SH3KBP1: variants seen among roughly 807,000 people sequenced by gnomAD.
SH3KBP1 encodes the protein SH3 domain containing kinase binding protein 1.
In SH3KBP1, 8 loss-of-function variants were observed where a neutral mutation model predicts 50.1. The ratio of observed to expected loss-of-function variants is 0.16; its 90% confidence interval spans 0.09 to 0.29. The LOEUF (loss-of-function observed/expected upper bound fraction) is 0.29. SH3KBP1 is among the 10% of genes least tolerant of loss of function. The probability of loss-of-function intolerance (pLI) is 1.00; values close to 1 mark genes in which losing one functional copy is unlikely to be tolerated. For missense variants in SH3KBP1, 377 were observed against 535.2 expected, an observed-to-expected ratio of 0.70 and a Z score of 2.92; for synonymous variants, 227 against 218.6, an observed-to-expected ratio of 1.04 and a Z score of -0.34.
At position 19,695,632 on chromosome X, in the gene SH3KBP1, T is replaced by C; in HGVS notation, c.500A>G (p.Asp167Gly). ...GESDELGISQ[D>G]EQLSKSSLRE... ...CTTACTTGACTTGGATAGCTGCTCA[T>C]CCTGGGAAATGCCAAGCTCATCCGA... Residue 167 changes from aspartate (D) to glycine (G), a missense_variant, in exon 5 of 18, where the codon GAT becomes GGT. By Grantham distance (94) the Asp-to-Gly change is moderately conservative. Around this residue, in one of 3 missense-constraint regions of SH3KBP1, gnomAD observed 257 missense variants for 374.2 expected, o/e 0.69. Transcript: ENST00000397821. 1 of 1,209,866 alleles carries C rather than the reference T, an allele frequency of 8.3e-7. No homozygotes were observed.
At chrX:19,661,552 C>CTTTTTTTTTTTTTTT (rs772898760) in intron 6 of SH3KBP1, among the ~76,000 whole-genome samples, 1 of 67,076 alleles carries the variant, frequency 1.5e-5, no homozygotes, top group African/African-American at 5.3e-5. Flanking sequence ...TAGCTTTTTA[C>CTTTTTTTTTTTTTTT]TTTTTTTTTT....
intron 1 of SH3KBP1, among the ~76,000 whole-genome samples, chrX:19,853,991 T>C (rs927895366): frequency 9.1e-6 from 1 of 109,951 alleles, no homozygotes; most frequent in Non-Finnish European, 1.9e-5. Flanking sequence ...CAGAAGTCCC[T>C]TCTCAAAGAC....
chrX:19,574,406 T>C (rs1349489411), intron 12 of SH3KBP1, among the ~76,000 whole-genome samples: 2 of 112,723 alleles, frequency 1.8e-5, no homozygotes, highest in African/African-American at 6.5e-5. Context: ...TTGTACACGT[T>C]AGGAAATAAC....
chrX:19,571,280 A>T (rs1475641911), intron 12 of SH3KBP1, among the ~76,000 whole-genome samples: 2 of 111,830 alleles, frequency 1.8e-5, no homozygotes, highest in African/African-American at 6.5e-5. Context: ...TGGAAAGGAG[A>T]AGCAGCTTAG....
At chrX:19,614,109 A>C (rs1343493926) in intron 8 of SH3KBP1, among the ~76,000 whole-genome samples, 1 of 112,572 alleles carries the variant, frequency 8.9e-6, no homozygotes, top group Non-Finnish European at 1.9e-5. Context: ...CTCAGGTGAA[A>C]CCCCCTGGCA....
chrX:19,773,580 G>C (rs1457181728), intron 2 of SH3KBP1, among the ~76,000 whole-genome samples: 2 of 109,292 alleles, frequency 1.8e-5, no homozygotes, highest in African/African-American at 6.7e-5. Context: ...TTTTCAGCCA[G>C]GCGCAGCGGC....
In SH3KBP1 at chrX:19,561,456, T is replaced by C. The variant is rs144217321; in HGVS notation, c.1384+7647A>G. 8.9e-5 allele frequency among the ~76,000 whole-genome samples: 10 copies of C among 112,045 alleles called. No individual in the cohort carries two copies. The East Asian group carries it at 2.8e-3, about 31-fold the overall frequency. ...TCCTATCTCTATCAAAAAAAAAAGT[T>C]AATCTGCTAATTGTACATTTCTGGA... On this transcript the variant is annotated intron_variant, in intron 13 of 17. Transcript: ENST00000397821.
At chrX:19,824,258 A>C (rs2067608921) in intron 2 of SH3KBP1, among the ~76,000 whole-genome samples, 3 of 112,450 alleles carry the variant, frequency 2.7e-5, no homozygotes, top group African/African-American at 9.7e-5. Context: ...AGCTATTAAT[A>C]CTTTATCCAT....
intron 3 of SH3KBP1, among the ~76,000 whole-genome samples, chrX:19,714,899 T>C (rs989332842): frequency 8.9e-6 from 1 of 111,935 alleles, no homozygotes; most frequent in Non-Finnish European, 1.9e-5. Context: ...TAGCAGAATG[T>C]CCTCATACTT....
chrX:19,633,503 T>C (rs2061625650), intron 7 of SH3KBP1, among the ~76,000 whole-genome samples: 2 of 112,335 alleles, frequency 1.8e-5, no homozygotes. Flanking sequence ...AGTTAAAACA[T>C]GTTTAAATTG....
chrX:19,825,209 T>C (rs1316442123), intron 2 of SH3KBP1, among the ~76,000 whole-genome samples: 5 of 111,932 alleles, frequency 4.5e-5, no homozygotes, highest in Non-Finnish European at 9.4e-5. Flanking sequence ...ATTTCAGAAT[T>C]TGTAGGAAAA....
intron 3 of SH3KBP1, among the ~76,000 whole-genome samples, chrX:19,719,667 T>C (rs2064003038): frequency 9.1e-6 from 1 of 109,361 alleles, no homozygotes; most frequent in Non-Finnish European, 1.9e-5. Context: ...GGGCTCTGAT[T>C]TCACTGCTCA....
intron 6 of SH3KBP1, among the ~76,000 whole-genome samples, chrX:19,674,417 A>T (rs1304783321): frequency 8.9e-6 from 1 of 112,362 alleles, no homozygotes; most frequent in Non-Finnish European, 1.9e-5. Flanking sequence ...AAAGGCATTC[A>T]ATAAAGCTTC....
chrX:19,706,748 G>T, intron 4 of SH3KBP1, 133 bp downstream of exon 4: 1 of 482,754 alleles, frequency 2.1e-6, no homozygotes, highest in Non-Finnish European at 3.6e-6. Flanking sequence ...TCAGACAGGA[G>T]ACTCAACTAG....
At chrX:19,783,221 T>C (rs1342781223) in intron 2 of SH3KBP1, among the ~76,000 whole-genome samples, 1 of 112,389 alleles carries the variant, frequency 8.9e-6, no homozygotes, top group Non-Finnish European at 1.9e-5. Flanking sequence ...TTTCTTTCTT[T>C]GAAAAGCATT....
chrX:19,575,633 C>T (rs1329980173), intron 12 of SH3KBP1, among the ~76,000 whole-genome samples: 2 of 111,667 alleles, frequency 1.8e-5, no homozygotes, highest in Non-Finnish European at 3.8e-5. Flanking sequence ...ATTTTGAAAA[C>T]ACAGTAGGTG....
At position 19,809,857 on chromosome X, in the gene SH3KBP1, T is replaced by C. The variant is rs1225532679; in HGVS notation, c.162+26268A>G. Reference sequence around the variant, plus strand: ...CCATGCTTCCTTTTACCCACATTCCTAATTTAATATAATTGGTAATCGCCT... The same window carrying C: ...CCATGCTTCCTTTTACCCACATTCCCAATTTAATATAATTGGTAATCGCCT... On this transcript the variant is annotated intron_variant, in intron 2 of 17. Transcript: ENST00000397821. Among the ~76,000 whole-genome samples the C allele has an allele frequency of 3.6e-5, 4 of 112,126 alleles. 1 individual carries two copies. In the Admixed American group the frequency reaches 3.8e-4, roughly 11 times the overall value.
rs182981392 is a variant in SH3KBP1 at position 19,540,134 on chromosome X, C to T, written c.1892+1791G>A. Among the ~76,000 whole-genome samples the T allele has an allele frequency of 4.5e-4, 50 of 111,452 alleles. 1 individual carries two copies. Among genetic ancestry groups the T allele is most frequent in the Admixed American group, 4.4e-3 (46 of 10,552 alleles). ...AGGAAAGGGACACAGGTCACCTGGA[C>T]GTGGATGGGGCCTTTGGGTACCTAA... On this transcript the variant is annotated intron_variant, in intron 16 of 17. Coordinates refer to ENST00000397821, the MANE Select transcript of SH3KBP1 (RefSeq NM_031892.3).
intron 1 of SH3KBP1, among the ~76,000 whole-genome samples, chrX:19,872,538 G>A (rs891602123): frequency 4.5e-5 from 5 of 109,988 alleles, no homozygotes; most frequent in Admixed American, 9.7e-5. Flanking sequence ...TTGGGAGGCC[G>A]AGGCGGGCGG....
Sources: gnomAD v4.1 joint callset for allele counts (sites outside exome capture counted in the v4.1 genomes callset) on GRCh38, gnomAD v4.1.1 for gene constraint, gnomAD v4.1.1 regional missense constraint, MANE v1.5 for transcripts, NCBI Gene and HGNC (gene_info 2026-07-23, HGNC 2026-07-21) for gene names.